The following CDH23 variants were observed in gnomAD, a reference collection of about 807,000 sequenced individuals.
CDH23 encodes cadherin related 23.
CDH23 carries 189 observed loss-of-function variants against 317.1 expected under a neutral mutation model. The ratio of observed to expected loss-of-function variants is 0.60; its 90% confidence interval spans 0.53 to 0.67. The LOEUF is 0.67. Ranked by LOEUF, CDH23 falls within the 30% of genes least tolerant of loss-of-function variation. The probability of loss-of-function intolerance (pLI) is 0.00; values close to 1 mark genes in which losing one functional copy is unlikely to be tolerated. For missense variants in CDH23, 4,401 were observed against 4,592.4 expected, an observed-to-expected ratio of 0.96 and a Z score of 1.20; for synonymous variants, 1,839 against 1,876.8, an observed-to-expected ratio of 0.98 and a Z score of 0.52.
At chr10:71,443,395 C>T (rs1291276739) in intron 2 of CDH23, among the ~76,000 whole-genome samples, 2 of 152,260 alleles carry the variant, frequency 1.3e-5, no homozygotes, top group Non-Finnish European at 2.9e-5. Context: ...TCCATGCCGC[C>T]ACCCAGCCTC....
At position 71,798,458 on chromosome 10, in the gene CDH23, G is replaced by T; in HGVS notation, c.6934G>T (p.Gly2312Trp). ...GCGGATCCTGGAGGGGGCCACCCCT[G>T]GGACCACACTCATTGCTGTGGCAGC... ...MERILEGATP[G>W]TTLIAVAAVD... Residue 2312 changes from glycine to tryptophan, a missense_variant, in exon 50 of 70, where the codon GGG becomes TGG. Gly to Trp is a radical substitution (Grantham distance 184, BLOSUM62 -2). Around this residue, in one of 3 missense-constraint regions of CDH23, gnomAD observed 3,068 missense variants for 3,203.3 expected, o/e 0.96. Coordinates refer to ENST00000224721, the MANE Select transcript of CDH23 (RefSeq NM_022124.6). The T allele has an allele frequency of 6.2e-7, 1 of 1,613,960 alleles. No homozygotes were observed. The highest frequency in any genetic ancestry group is 1.3e-5 in the African/African-American group (1 of 75,038).
At chr10:71,466,857 TGACAA>T (rs1416427737) in intron 3 of CDH23, among the ~76,000 whole-genome samples, 6 of 151,992 alleles carry the variant, frequency 3.9e-5, no homozygotes, top group Non-Finnish European at 8.8e-5. Flanking sequence ...CTCCGCCCAT[TGACAA>T]GACAGCATGA....
rs1224669940 is a variant in CDH23 at position 71,446,470 on chromosome 10, T to C, written c.145+75T>C. 4.2e-6 allele frequency: 6 copies of C among 1,429,116 alleles called. No homozygotes were observed. In the East Asian group the frequency reaches 1.1e-4, roughly 27 times the overall value. The allele number at this position is 1,429,116 out of a possible 1,614,324, so 88.5% of individuals were successfully genotyped here. ...CCCTTCCCACAAGTGAAGGGGATCT[T>C]ACAGGTTGAGGTCATCTTCCACCTG... On this transcript the variant is annotated intron_variant, in intron 3 of 69. Coordinates refer to ENST00000224721, the MANE Select transcript of CDH23 (RefSeq NM_022124.6).
intron 1 of CDH23, among the ~76,000 whole-genome samples, chr10:71,426,236 G>A (rs1275261730): frequency 3.3e-5 from 5 of 152,196 alleles, no homozygotes; most frequent in Non-Finnish European, 1.5e-5. Flanking sequence ...GTCAGCATCC[G>A]AGAGGCTGAG....
rs78179424 is a variant in CDH23, at chr10:71,515,649, C to T, written c.429+4437C>T. On this transcript the variant is annotated intron_variant, in intron 6 of 69. Coordinates refer to ENST00000224721, the MANE Select transcript of CDH23 (RefSeq NM_022124.6). ...ATGCTACCATTTCCCAACTGTGTGACTTTAGACAAGTGACTTAACCTCTCT... is the reference window on the plus strand; with the variant it reads ...ATGCTACCATTTCCCAACTGTGTGATTTTAGACAAGTGACTTAACCTCTCT... Among the ~76,000 whole-genome samples, 843 of 152,216 alleles carry T rather than the reference C, an allele frequency of 5.5e-3. 37 individuals are homozygous for T. The East Asian group carries it at 0.12, about 22-fold the overall frequency.
intron 14 of CDH23, among the ~76,000 whole-genome samples, chr10:71,667,010 C>T (rs1194824538): frequency 6.6e-6 from 1 of 152,248 alleles, no homozygotes; most frequent in African/African-American, 2.4e-5. Context: ...GCTATTGTTT[C>T]CTGAACAAAT....
chr10:71,745,066 A>T (rs1171990669), intron 38 of CDH23, among the ~76,000 whole-genome samples: 1 of 151,964 alleles, frequency 6.6e-6, no homozygotes, highest in Non-Finnish European at 1.5e-5. Context: ...TCATTCATTC[A>T]CTCATTCACT....
chr10:71,675,868 T>C (rs1047272913), intron 15 of CDH23, among the ~76,000 whole-genome samples: 5 of 151,654 alleles, frequency 3.3e-5, no homozygotes, highest in Non-Finnish European at 5.9e-5. Context: ...CTTTCCCTTG[T>C]CTTCAGTTAA....
In CDH23 at chr10:71,732,375, G is replaced by A. The variant is rs765658825; in HGVS notation, c.4104G>A (p.Thr1368=). 5.8e-6 allele frequency: 9 copies of A among 1,559,016 alleles called. No individual in the cohort carries two copies. The highest frequency in any genetic ancestry group is 1.4e-5 in the African/African-American group (1 of 73,326). Residue 1368 remains threonine (T), a splice_region_variant and synonymous_variant, in exon 32 of 70, where the codon ACG becomes ACA. Transcript: ENST00000224721. ...CCCTCTTCAAGATAGACGCCATCAC[G>A]GTGAGGGGCTGGGGGCAGGGAGCAC... The part of the protein sequence containing the change: ...AKALFKIDAI[T]GVITVQGLVD...
In CDH23 at chr10:71,725,279, C is replaced by T. The variant is rs570123254; in HGVS notation, c.3431-93C>T. 36 of 1,575,384 alleles carry T rather than the reference C, an allele frequency of 2.3e-5. No homozygotes were observed. In the East Asian group the frequency reaches 3.6e-4, roughly 16 times the overall value. ...CCGCAGCCTCCTCACAAGGAGGGGACTGGTGAACTTCTGCCCCCAACCATG... is the reference window on the plus strand; with the variant it reads ...CCGCAGCCTCCTCACAAGGAGGGGATTGGTGAACTTCTGCCCCCAACCATG... On this transcript the variant is annotated intron_variant, in intron 29 of 69. Coordinates refer to ENST00000224721, the MANE Select transcript of CDH23 (RefSeq NM_022124.6).
chr10:71,568,627 G>A (rs1238090909), intron 7 of CDH23, among the ~76,000 whole-genome samples: 1 of 152,154 alleles, frequency 6.6e-6, no homozygotes, highest in East Asian at 1.9e-4. Flanking sequence ...GCTTCTGGAG[G>A]AGCTGACACC....
chr10:71,631,757 C>T (rs1862023645), intron 11 of CDH23, among the ~76,000 whole-genome samples: 1 of 152,176 alleles, frequency 6.6e-6, no homozygotes, highest in Non-Finnish European at 1.5e-5. Flanking sequence ...CCAGAGGTCC[C>T]CTCCCTAGCT....
In CDH23 at chr10:71,784,350, G is replaced by A. The variant is rs776972162; in HGVS notation, c.5432G>A (p.Arg1811Gln). Residue 1811 changes from arginine to glutamine, a missense_variant, in exon 42 of 70, where the codon CGG (arginine) becomes CAG (glutamine). By Grantham distance (43) the Arg-to-Gln change is conservative (BLOSUM62 1). Coordinates refer to ENST00000224721, the MANE Select transcript of CDH23 (RefSeq NM_022124.6). The part of the protein sequence containing the change: ...LRVRKDVELD[R>Q]ETIAFYNLTI... ...GTCCGGAAGGACGTGGAGCTGGACC[G>A]GGAGACCATCGCCTTCTACAACCTG... 1.6e-5 allele frequency: 26 copies of A among 1,613,776 alleles called. No homozygotes were observed. Among genetic ancestry groups the A allele is most frequent in the Middle Eastern group, 3.3e-4 (2 of 6,082 alleles).
At chr10:71,645,393 C>T (rs2132593271) in intron 12 of CDH23, among the ~76,000 whole-genome samples, 1 of 152,346 alleles carries the variant, frequency 6.6e-6, no homozygotes, top group Non-Finnish European at 1.5e-5. Flanking sequence ...CTTGTGTCCT[C>T]TCCTGGCCAA....
At chr10:71,633,651 T>C (rs1250031955) in intron 11 of CDH23, among the ~76,000 whole-genome samples, 1 of 152,194 alleles carries the variant, frequency 6.6e-6, no homozygotes, top group Non-Finnish European at 1.5e-5. Flanking sequence ...GGAAGAGGAC[T>C]AGAAAGGAGA....
chr10:71,532,631 C>T (rs1855440949), intron 6 of CDH23, among the ~76,000 whole-genome samples: 1 of 151,990 alleles, frequency 6.6e-6, no homozygotes, highest in South Asian at 2.1e-4. Flanking sequence ...TTTTGAGTCC[C>T]CAGCCCTGAG....
chr10:71,774,747 G>C (rs1840778674), intron 38 of CDH23, among the ~76,000 whole-genome samples: 1 of 152,202 alleles, frequency 6.6e-6, no homozygotes, highest in African/African-American at 2.4e-5. Flanking sequence ...GAAGCTTCCA[G>C]GGGTTTTTCT....
intron 38 of CDH23, among the ~76,000 whole-genome samples, chr10:71,766,191 C>T (rs142252930): frequency 6.6e-6 from 1 of 152,350 alleles, no homozygotes; most frequent in Non-Finnish European, 1.5e-5. Context: ...TCCTTTTGGA[C>T]ACCTGGGTCA....
intron 68 of CDH23, 49 bp downstream of exon 68, chr10:71,812,939 A>C: frequency 1.9e-6 from 3 of 1,603,630 alleles, no homozygotes; most frequent in Non-Finnish European, 2.6e-6. Flanking sequence ...CTGAGGTTGG[A>C]CCCCACTCCA....
Sources: allele counts gnomAD v4.1 joint callset (sites outside exome capture counted in the v4.1 genomes callset), GRCh38; gene constraint gnomAD v4.1.1; regional missense constraint gnomAD v4.1.1; transcripts MANE v1.5; gene names NCBI Gene and HGNC (gene_info 2026-07-23, HGNC 2026-07-21).